The following CDC42BPB variants were observed in gnomAD, a reference collection of about 807,000 sequenced individuals.
CDC42BPB encodes serine/threonine-protein kinase MRCK beta.
CDC42BPB carries 37 observed loss-of-function variants against 214.9 expected under a neutral mutation model. That is an observed-to-expected ratio of 0.17 (90% CI 0.13 to 0.23). The LOEUF (loss-of-function observed/expected upper bound fraction) is 0.23. CDC42BPB is among the 10% of genes least tolerant of loss of function. The pLI is 1.00. For missense variants in CDC42BPB, 1,694 were observed against 2,227.0 expected, an observed-to-expected ratio of 0.76 and a Z score of 4.82; for synonymous variants, 931 against 884.0, an observed-to-expected ratio of 1.05 and a Z score of -0.94.
rs1486425902 is a variant in CDC42BPB, at chr14:102,933,060, CAGT to C, written c.*649_*651del. On this transcript the variant is annotated 3_prime_UTR_variant, in exon 37 of 37. Transcript: ENST00000361246. ...ATGGAAAACAGCACAGCTGACTTCA[CAGT>C]AGTAGATACTGGTGACACTTCATGG... is the stretch of plus-strand genomic sequence containing the variant. The C allele has an allele frequency of 6.6e-6, 1 of 152,460 alleles. No individual in the cohort carries two copies. The highest frequency in any genetic ancestry group is 1.5e-5 in the Non-Finnish European group (1 of 68,058). The allele number at this position is 152,460 out of a possible 1,614,324, so 9.4% of individuals were successfully genotyped here. A position where few individuals can be genotyped will look rare whatever the true frequency, so the allele number is the denominator to read the frequency against.
chr14:102,983,787 C>CTT (rs1894115369), intron 6 of CDC42BPB, 31 bp from the exon 7 acceptor site: 2 of 1,598,334 alleles, frequency 1.3e-6, no homozygotes, highest in Admixed American at 1.7e-5. Context: ...TGAAGGAAAC[C>CTT]CTAGGGCATC....
At chr14:103,002,904 C>G (rs1429045771) in intron 4 of CDC42BPB, among the ~76,000 whole-genome samples, 1 of 152,090 alleles carries the variant, frequency 6.6e-6, no homozygotes. Flanking sequence ...CACATTTTTC[C>G]CTAATCCTGG....
In CDC42BPB at chr14:102,932,892, A is replaced by AGGGGGGGGGG. The variant is rs1566832723; in HGVS notation, c.*819_*820insCCCCCCCCCC. ...AGGACTGGTGGGGGGGGGGGCGGGC[A>AGGGGGGGGGG]GGGCGGGGCGGGGTGGGGTATCCCA... On this transcript the variant is annotated 3_prime_UTR_variant, in exon 37 of 37. Coordinates refer to ENST00000361246, the MANE Select transcript of CDC42BPB (RefSeq NM_006035.4). 1 of 4,452 alleles carries AGGGGGGGGGG rather than the reference A, an allele frequency of 2.2e-4. No homozygotes were observed. The highest frequency in any genetic ancestry group is 4.6e-3 in the South Asian group (1 of 218). The allele number at this position is 4,452 out of a possible 1,614,324, so 0.3% of individuals were successfully genotyped here. A position where few individuals can be genotyped will look rare whatever the true frequency, so the allele number is the denominator to read the frequency against.
chr14:102,996,713 G>A (rs1178828411), intron 5 of CDC42BPB, among the ~76,000 whole-genome samples: 1 of 151,016 alleles, frequency 6.6e-6, no homozygotes, highest in African/African-American at 2.4e-5. Flanking sequence ...TCGGGAGGCT[G>A]AGGCAAGAGA....
At chr14:102,940,755 T>C in intron 30 of CDC42BPB, 1 of 241,166 alleles carries the variant, frequency 4.1e-6, no homozygotes, top group Non-Finnish European at 8.3e-6. Context: ...CAGGTAGGTA[T>C]TAAAAACCAC....
intron 1 of CDC42BPB, among the ~76,000 whole-genome samples, chr14:103,051,377 G>A (rs1180859225): frequency 6.6e-6 from 1 of 150,930 alleles, no homozygotes; most frequent in African/African-American, 2.5e-5. Context: ...TTATGTTATG[G>A]GTTTTGGGAT....
rs774578569 is a variant in CDC42BPB, at chr14:102,940,117, T to C, written c.4520A>G (p.Asn1507Ser). The stretch of plus-strand genomic sequence containing the variant: ...GAGGAGGTTGAGGGTGCCTTCAGAG[T>C]TCAGGGGCCTTATCTGGATTGGAAA... Reference protein sequence around the residue: ...TIGLRRIRPLNSEGTLNLLNC... With the variant: ...TIGLRRIRPLSSEGTLNLLNC... Residue 1507 changes from asparagine to serine, a missense_variant, in exon 32 of 37, where the codon AAC (asparagine) becomes AGC (serine). Asn to Ser is a conservative substitution (Grantham distance 46, BLOSUM62 1). Around this residue, in one of 7 missense-constraint regions of CDC42BPB, gnomAD observed 567 missense variants for 790.3 expected, o/e 0.72. Transcript: ENST00000361246. The C allele has an allele frequency of 1.2e-6, 2 of 1,613,608 alleles. No individual in the cohort carries two copies. The highest frequency in any genetic ancestry group is 1.7e-6 in the Non-Finnish European group (2 of 1,179,940).
chr14:102,964,454 C>G (rs761560967), intron 19 of CDC42BPB, 48 bp downstream of exon 19: 1 of 1,601,694 alleles, frequency 6.2e-7, no homozygotes. Flanking sequence ...GGGCTCGAGG[C>G]CACACAGCCA....
At chr14:102,989,004 A>C (rs1322843394) in intron 5 of CDC42BPB, among the ~76,000 whole-genome samples, 2 of 152,170 alleles carry the variant, frequency 1.3e-5, no homozygotes, top group African/African-American at 4.8e-5. Context: ...ACATCAAAAA[A>C]CAAATGGCAA....
At chr14:103,030,138 G>A (rs1005611815) in intron 1 of CDC42BPB, among the ~76,000 whole-genome samples, 2 of 152,232 alleles carry the variant, frequency 1.3e-5, no homozygotes, top group African/African-American at 4.8e-5. Flanking sequence ...GGAGAAGCGT[G>A]GAGCGGCCAG....
chr14:102,976,222 G>A, intron 9 of CDC42BPB, 173 bp from the exon 10 acceptor site: 2 of 985,304 alleles, frequency 2.0e-6, no homozygotes, highest in Non-Finnish European at 2.4e-6. Context: ...AGATGGTCAA[G>A]GAGACACTGA....
intron 1 of CDC42BPB, among the ~76,000 whole-genome samples, chr14:103,031,086 T>A (rs1265916318): frequency 1.3e-5 from 2 of 151,962 alleles, no homozygotes; most frequent in Admixed American, 6.6e-5. Context: ...ACTTTTTTTT[T>A]AATTAAAAAA....
At chr14:102,996,804 C>T (rs1894757262) in intron 5 of CDC42BPB, among the ~76,000 whole-genome samples, 1 of 101,334 alleles carries the variant, frequency 9.9e-6, no homozygotes, top group East Asian at 2.3e-4. Flanking sequence ...AAGAGTGAGA[C>T]TCCATCTCAA....
intron 27 of CDC42BPB, among the ~76,000 whole-genome samples, 177 bp downstream of exon 27, chr14:102,947,544 G>A (rs1031494376): frequency 6.6e-5 from 10 of 152,132 alleles, no homozygotes; most frequent in Non-Finnish European, 1.0e-4. Context: ...TCCCCGAGAC[G>A]GGCACAGGCT....
intron 2 of CDC42BPB, 172 bp from the exon 3 acceptor site, chr14:103,008,727 T>C (rs1163445959): frequency 1.0e-6 from 1 of 983,608 alleles, no homozygotes; most frequent in East Asian, 1.1e-4. Context: ...GAACCTTTTC[T>C]TCACAGAGAA....
intron 1 of CDC42BPB, among the ~76,000 whole-genome samples, chr14:103,052,407 G>A (rs558115719): frequency 6.6e-6 from 1 of 152,186 alleles, no homozygotes; most frequent in South Asian, 2.1e-4. Context: ...AAATGTATTT[G>A]AGCCGGGCAC....
intron 14 of CDC42BPB, among the ~76,000 whole-genome samples, chr14:102,969,836 A>G (rs1230908771): frequency 6.6e-6 from 1 of 152,270 alleles, no homozygotes; most frequent in Non-Finnish European, 1.5e-5. Context: ...GAATACCACG[A>G]TGTGAAGAAG....
At chr14:102,966,850 G>A (rs1034749310) in intron 17 of CDC42BPB, among the ~76,000 whole-genome samples, 196 bp downstream of exon 17, 2 of 152,120 alleles carry the variant, frequency 1.3e-5, no homozygotes, top group African/African-American at 4.8e-5. Context: ...GGTTGGTGGG[G>A]GCGTATCTCC....
rs779643822 is a variant in CDC42BPB at position 103,004,140 on chromosome 14, C to T, written c.352-117G>A. On this transcript the variant is annotated intron_variant, in intron 3 of 36. Coordinates refer to ENST00000361246, the MANE Select transcript of CDC42BPB (RefSeq NM_006035.4). The surrounding 1 kb of genome is among the most constrained non-coding windows in gnomAD (Gnocchi z 5.3). ...CTCCAGCCACGGTGTCCCTGCCTTC[C>T]GGGCTCCTCCTCGTGCACCACCCCG... 142 of 1,404,902 alleles carry T rather than the reference C, an allele frequency of 1.0e-4. No homozygotes were observed. The highest frequency in any genetic ancestry group is 1.2e-4 in the Non-Finnish European group (129 of 1,073,956). The allele number at this position is 1,404,902 out of a possible 1,614,324, so 87.0% of individuals were successfully genotyped here.
Sources: gnomAD v4.1 joint callset for allele counts (sites outside exome capture counted in the v4.1 genomes callset) on GRCh38, gnomAD v4.1.1 for gene constraint, gnomAD v4.1.1 regional missense constraint, Gnocchi (gnomAD v3.1) non-coding constraint, MANE v1.5 for transcripts, NCBI Gene and HGNC (gene_info 2026-07-23, HGNC 2026-07-21) for gene names.